The following JAG1 variants were observed in gnomAD, a reference collection of about 807,000 sequenced individuals.
JAG1 encodes the protein protein jagged-1.
A neutral mutation model predicts 148.7 loss-of-function variants in JAG1; 23 were observed. The ratio of observed to expected loss-of-function variants is 0.15; its 90% confidence interval spans 0.11 to 0.22. The LOEUF (loss-of-function observed/expected upper bound fraction) is 0.22, where lower values mean the gene tolerates loss of function less well. Among genes scored for constraint, JAG1 ranks in the 10% least tolerant of loss-of-function variants. The pLI is 1.00. For synonymous variants in JAG1, 572 were observed against 598.3 expected, an observed-to-expected ratio of 0.96 and a Z score of 0.64; for missense variants, 1,054 against 1,611.2, an observed-to-expected ratio of 0.65 and a Z score of 5.92.
chr20:10,672,665 G>C (rs746042955), intron 2 of JAG1, 36 bp downstream of exon 2: 2 of 1,604,802 alleles, frequency 1.2e-6, no homozygotes, highest in Non-Finnish European at 1.7e-6. Context: ...GCGGGTGTGA[G>C]GCTCCGCCCG....
intron 9 of JAG1, 59 bp downstream of exon 9, chr20:10,650,187 TG>T (rs1191162344): frequency 5.7e-6 from 6 of 1,050,756 alleles, no homozygotes; most frequent in Non-Finnish European, 8.9e-6. Flanking sequence ...TCTTCTGTAA[TG>T]GCTTTGACAA....
At chr20:10,646,259 C>T (rs2067307577) in intron 14 of JAG1, 175 bp from the exon 15 acceptor site, 1 of 644,622 alleles carries the variant, frequency 1.6e-6, no homozygotes, top group Non-Finnish European at 2.8e-6. Flanking sequence ...GCAGAAGCTT[C>T]CAGAGAGTGC....
rs755774107 is a variant in JAG1, at chr20:10,649,706, G to T, written c.1235-71C>A. ...ATCTCCCCCACCTTGGAAAAAAAAAGAACAGGCCAGAGTTTGTCTGAGACA... is the reference window on the plus strand; with the variant it reads ...ATCTCCCCCACCTTGGAAAAAAAAATAACAGGCCAGAGTTTGTCTGAGACA... On this transcript the variant is annotated intron_variant, in intron 9 of 25. Transcript: ENST00000254958. The T allele has an allele frequency of 2.2e-5, 19 of 849,244 alleles. 2 individuals are homozygous for T. The Middle Eastern group carries it at 2.2e-3, about 97-fold the overall frequency. 52.6% of individuals were successfully genotyped at this position (849,244 alleles called of 1,614,324 possible).
At chr20:10,641,319 G>A in intron 23 of JAG1, 75 bp from the exon 24 acceptor site, 9 of 1,585,730 alleles carry the variant, frequency 5.7e-6, no homozygotes, top group Middle Eastern at 1.8e-4. Flanking sequence ...TTCTCTTTGA[G>A]GCTGGCTAAG....
intron 5 of JAG1, among the ~76,000 whole-genome samples, chr20:10,655,982 A>G (rs1048347609): frequency 6.6e-6 from 1 of 152,170 alleles, no homozygotes; most frequent in Non-Finnish European, 1.5e-5. Flanking sequence ...ATCCCATTCT[A>G]AAGAATGCTG....
At chr20:10,658,762 C>T in intron 3 of JAG1, 40 bp from the exon 4 acceptor site, 1 of 1,610,660 alleles carries the variant, frequency 6.2e-7, no homozygotes, top group African/African-American at 1.3e-5. Flanking sequence ...ATTCACATTG[C>T]AGCCTTCTTC....
intron 2 of JAG1, among the ~76,000 whole-genome samples, chr20:10,667,821 T>C (rs1439916403): frequency 1.3e-5 from 2 of 152,028 alleles, no homozygotes; most frequent in Non-Finnish European, 2.9e-5. Flanking sequence ...AGCATCCCAC[T>C]GATAATTAAA....
chr20:10,644,948 G>A lies in JAG1; in HGVS notation c.2259C>T (p.Cys753=), dbSNP rs2067297537. 6.2e-7 allele frequency: 1 copy of A among 1,613,950 alleles called. No homozygotes were observed. Among genetic ancestry groups the A allele is most frequent in the Admixed American group, 1.7e-5 (1 of 59,994 alleles). Residue 753 remains cysteine (C), a synonymous_variant, in exon 18 of 26, where the codon TGC becomes TGT. Coordinates refer to ENST00000254958, the MANE Select transcript of JAG1 (RefSeq NM_000214.3). ...ARNSSCLPNP[C]HNGGTCVVNG... The stretch of plus-strand genomic sequence containing the variant: ...TGACCACACATGTGCCCCCATTATG[G>A]CAGGGGTTGGGCAGGCAGCTACTGT...
At chr20:10,644,589 G>A (rs1600181187) in intron 18 of JAG1, 2 of 661,376 alleles carry the variant, frequency 3.0e-6, no homozygotes, top group East Asian at 2.7e-5. Context: ...AAGAGGCCCT[G>A]GTAGGGGATA....
chr20:10,647,522 A>G (rs2067317548), intron 13 of JAG1, among the ~76,000 whole-genome samples: 1 of 152,258 alleles, frequency 6.6e-6, no homozygotes, highest in East Asian at 1.9e-4. Flanking sequence ...ACATGTGGCT[A>G]TTTACATTTA....
chr20:10,641,960 C>G, intron 21 of JAG1, 68 bp from the exon 22 acceptor site: 1 of 1,044,056 alleles, frequency 9.6e-7, no homozygotes, highest in Non-Finnish European at 1.5e-6. Flanking sequence ...TTCTTTGGTC[C>G]CTGTTATGAA....
chr20:10,667,689 G>A (rs905510673), intron 2 of JAG1, among the ~76,000 whole-genome samples: 2 of 152,026 alleles, frequency 1.3e-5, no homozygotes, highest in African/African-American at 4.8e-5. Flanking sequence ...TACAAAGGGT[G>A]ATTTTCTCAT....
chr20:10,640,561 G>A (rs1050856494), intron 25 of JAG1, among the ~76,000 whole-genome samples: 1 of 152,210 alleles, frequency 6.6e-6, no homozygotes, highest in South Asian at 2.1e-4. Flanking sequence ...TGTTCTGCAG[G>A]GAACGTTGCA....
intron 2 of JAG1, among the ~76,000 whole-genome samples, chr20:10,672,476 T>C (rs1340497024): frequency 6.6e-6 from 1 of 152,124 alleles, no homozygotes; most frequent in Non-Finnish European, 1.5e-5. Context: ...ATCCCCACTT[T>C]TGTGCACTAA....
rs1801138 is a variant in JAG1 at position 10,658,574 on chromosome 20, G to A, written c.588C>T (p.Cys196=). 0.071 allele frequency: 113,830 copies of A among 1,614,084 alleles called. 7,656 individuals carry two copies. The highest frequency in any genetic ancestry group is 0.24 in the East Asian group (10,827 of 44,864). ...TCDDYYYGFG[C]NKFCRPRDDF... is the part of the protein sequence containing the mutation. ...CATCTCTGGGGCGGCAGAACTTATT[G>A]CAGCCAAAGCCATAGTAGTAGTCAT... Residue 196 remains cysteine, a synonymous_variant, in exon 4 of 26, where the codon TGC becomes TGT. Transcript: ENST00000254958.
chr20:10,648,254 G>T, intron 12 of JAG1, 144 bp from the exon 13 acceptor site: 1 of 999,618 alleles, frequency 1.0e-6, no homozygotes, highest in Non-Finnish European at 1.5e-6. Context: ...ACATCTCTAT[G>T]CTGTAGGGAC....
intron 5 of JAG1, among the ~76,000 whole-genome samples, chr20:10,655,521 A>G (rs985079873): frequency 1.8e-4 from 27 of 152,192 alleles, no homozygotes; most frequent in Non-Finnish European, 1.2e-4. Flanking sequence ...CTGCGTTTTA[A>G]TAAGAGCCCC....
intron 2 of JAG1, among the ~76,000 whole-genome samples, chr20:10,668,092 TAAAAA>T (rs58852175): frequency 3.0e-4 from 32 of 107,246 alleles, no homozygotes; most frequent in African/African-American, 1.0e-3. Context: ...ACTGGCACCA[TAAAAA>T]AAAAAAAAAA....
Position 10,640,828 on chromosome 20 carries a change from C to T in JAG1, c.3154G>A (p.Val1052Ile), listed in dbSNP as rs375200637. 98 of 1,614,046 alleles carry T rather than the reference C, an allele frequency of 6.1e-5. No homozygotes were observed. The highest frequency in any genetic ancestry group is 7.8e-5 in the Non-Finnish European group (92 of 1,180,034). Residue 1052 changes from valine to isoleucine, a missense_variant, in exon 25 of 26, where the codon GTT becomes ATT. Physicochemically the swap from Val to Ile is conservative, Grantham distance 29 (BLOSUM62 3). Coordinates refer to ENST00000254958, the MANE Select transcript of JAG1 (RefSeq NM_000214.3). ...RDGNSSLIAA[V>I]AEVRVQRRPL... The stretch of plus-strand genomic sequence containing the variant: ...CGCCTCTGAACTCTTACTTCTGCAA[C>T]GGCAGCAATCAGCGAGCTGTTTCCA...
Sources: allele counts gnomAD v4.1 joint callset (sites outside exome capture counted in the v4.1 genomes callset), GRCh38; gene constraint gnomAD v4.1.1; transcripts MANE v1.5; gene names NCBI Gene and HGNC (gene_info 2026-07-23, HGNC 2026-07-21).